The following TRIT1 variants were observed in gnomAD, a reference collection of about 807,000 sequenced individuals.
The protein encoded by TRIT1 is tRNA dimethylallyltransferase.
Under a neutral mutation model 51.2 loss-of-function variants are expected in TRIT1, and 43 were observed. The ratio of observed to expected loss-of-function variants is 0.84; its 90% CI spans 0.66 to 1.08. The LOEUF (loss-of-function observed/expected upper bound fraction) is 1.08, where lower values mean the gene tolerates loss of function less well. TRIT1 is among the 50% of genes least tolerant of loss of function. The pLI, the probability that TRIT1 is intolerant of heterozygous loss-of-function variation, is 0.00. For missense variants in TRIT1, 528 were observed against 578.4 expected (o/e 0.91, Z 0.89); for synonymous variants, 184 against 203.9 (o/e 0.90, Z 0.83).
chr1:39,852,521 T>C (rs1642640331), intron 4 of TRIT1: 2 of 616,970 alleles, frequency 3.2e-6, no homozygotes, highest in Admixed American at 2.9e-5. Flanking sequence ...GTACTATGCA[T>C]TTAAAATGTA....
chr1:39,880,544 G>C (rs997235436), intron 1 of TRIT1, among the ~76,000 whole-genome samples: 2 of 151,948 alleles, frequency 1.3e-5, no homozygotes, highest in East Asian at 3.9e-4. Flanking sequence ...CTCATGCCTG[G>C]AATCCCAGCA....
Position 39,839,576 on chromosome 1 carries a change from A to G in TRIT1, c.*2168T>C, listed in dbSNP as rs1339388778. Among the ~76,000 whole-genome samples, 2 of 152,240 alleles carry G rather than the reference A, an allele frequency of 1.3e-5. No homozygotes were observed. The highest frequency in any genetic ancestry group is 2.9e-5 in the Non-Finnish European group (2 of 68,046). ...GGGCAATGCTTCAGACCAGAGCACC[A>G]GGCAGATTTCTAGTGAGTGTTCTGC... On this transcript the variant is annotated 3_prime_UTR_variant, in exon 11 of 11. Transcript: ENST00000316891.
intron 1 of TRIT1, among the ~76,000 whole-genome samples, chr1:39,882,337 AC>A (rs1358053621): frequency 1.3e-5 from 2 of 152,212 alleles, no homozygotes; most frequent in Admixed American, 1.3e-4. Flanking sequence ...GGGGAAAGGA[AC>A]TGCCCTTCTT....
intron 1 of TRIT1, among the ~76,000 whole-genome samples, chr1:39,863,528 A>C (rs1385809306): frequency 1.3e-5 from 2 of 152,208 alleles, no homozygotes; most frequent in Admixed American, 1.3e-4. Context: ...AAGAAGATAC[A>C]TGATACAAGA....
intron 10 of TRIT1, among the ~76,000 whole-genome samples, chr1:39,843,840 G>T (rs536761456): frequency 6.6e-6 from 1 of 152,290 alleles, no homozygotes; most frequent in Non-Finnish European, 1.5e-5. Context: ...AGGAGCTCTA[G>T]AAAGTTAACT....
Position 39,852,736 on chromosome 1 carries a change from C to G in TRIT1, c.555G>C (p.Val185=). 6.2e-7 allele frequency: 1 copy of G among 1,613,488 alleles called. No individual in the cohort carries two copies. The highest frequency in any genetic ancestry group is 8.5e-7 in the Non-Finnish European group (1 of 1,179,744). Residue 185 remains valine, a synonymous_variant, in exon 4 of 11, where the codon GTG becomes GTC. Transcript: ENST00000316891. The stretch of plus-strand genomic sequence containing the variant: ...AGCGCGCCAGGCTTTCTTACCTGGC[C>G]ACTTTGCGTTTGTCATGTGGATGCA... The part of the protein sequence containing the change: ...AKLHPHDKRK[V]ARSLQVFEET...
intron 8 of TRIT1, chr1:39,846,961 GTTC>G: frequency 5.7e-6 from 2 of 353,232 alleles, no homozygotes; most frequent in Non-Finnish European, 1.0e-5. Context: ...AGATGCTGCT[GTTC>G]TTCTTAGCTG....
chr1:39,875,417 G>A lies in TRIT1; in HGVS notation c.174+7901C>T, dbSNP rs148925631. ...GCAGGAGACTTGCTTGAACCCGGGAGGTGGAGGTTGCAGTGAGCTGAGATT... is the reference window on the plus strand; with the variant it reads ...GCAGGAGACTTGCTTGAACCCGGGAAGTGGAGGTTGCAGTGAGCTGAGATT... On this transcript the variant is annotated intron_variant, in intron 1 of 10. Coordinates refer to ENST00000316891, the MANE Select transcript of TRIT1 (RefSeq NM_017646.6). Among the ~76,000 whole-genome samples, 1,343 of 152,124 alleles carry A rather than the reference G, an allele frequency of 8.8e-3. 24 individuals carry two copies. Among genetic ancestry groups the A allele is most frequent in the African/African-American group, 0.031 (1,297 of 41,460 alleles).
intron 1 of TRIT1, among the ~76,000 whole-genome samples, chr1:39,872,779 A>G (rs1643918351): frequency 7.1e-6 from 1 of 140,530 alleles, no homozygotes; most frequent in Non-Finnish European, 1.5e-5. Flanking sequence ...ACACACACAC[A>G]CAGAGAGAGA....
intron 2 of TRIT1, 93 bp from the exon 3 acceptor site, chr1:39,854,161 G>A (rs908231204): frequency 2.2e-6 from 2 of 918,520 alleles, no homozygotes; most frequent in Non-Finnish European, 3.3e-6. Context: ...TTTATCTGCA[G>A]AGCAGAGGAG....
At chr1:39,851,610 C>G (rs993331019) in intron 4 of TRIT1, among the ~76,000 whole-genome samples, 4 of 151,884 alleles carry the variant, frequency 2.6e-5, no homozygotes, top group Admixed American at 2.6e-4. Flanking sequence ...AATTTGTGCC[C>G]CACCCCCCTG....
intron 1 of TRIT1, among the ~76,000 whole-genome samples, chr1:39,866,235 T>C (rs1037568644): frequency 6.6e-6 from 1 of 152,064 alleles, no homozygotes; most frequent in Admixed American, 6.6e-5. Flanking sequence ...TGCAGTGGCA[T>C]GATTTTGGCT....
intron 1 of TRIT1, among the ~76,000 whole-genome samples, chr1:39,864,475 G>A (rs1264381149): frequency 6.6e-6 from 1 of 151,666 alleles, no homozygotes; most frequent in African/African-American, 2.4e-5. Context: ...CGGGCGTGGT[G>A]GCAGGCGCCT....
At chr1:39,878,749 A>C (rs1401781245) in intron 1 of TRIT1, among the ~76,000 whole-genome samples, 1 of 152,192 alleles carries the variant, frequency 6.6e-6, no homozygotes. Flanking sequence ...TGTTCCAATA[A>C]ACACTATCTG....
chr1:39,845,964 AT>A, intron 8 of TRIT1, among the ~76,000 whole-genome samples: 2 of 152,248 alleles, frequency 1.3e-5, no homozygotes, highest in Non-Finnish European at 2.9e-5. Flanking sequence ...TGGAGGAATT[AT>A]TGTGGTTTTA....
Position 39,853,819 on chromosome 1 carries a change from T to C in TRIT1, c.414+151A>G, listed in dbSNP as rs941140063. 6.7e-6 allele frequency: 4 copies of C among 600,592 alleles called. No individual in the cohort carries two copies. The Admixed American group carries it at 1.3e-4, about 19-fold the overall frequency. The allele number at this position is 600,592 out of a possible 1,614,324, so 37.2% of individuals were successfully genotyped here. Reference sequence around the variant, plus strand: ...AGCCTGGAGGAACACACTTCACACATGGAGGTGGCATTTGCTTGAGAATAT... The same window carrying C: ...AGCCTGGAGGAACACACTTCACACACGGAGGTGGCATTTGCTTGAGAATAT... On this transcript the variant is annotated intron_variant, in intron 3 of 10. Transcript: ENST00000316891.
chr1:39,841,966 T>C, intron 10 of TRIT1, 53 bp from the exon 11 acceptor site: 1 of 1,555,200 alleles, frequency 6.4e-7, no homozygotes, highest in Non-Finnish European at 8.7e-7. Context: ...AGGAATTTTC[T>C]AGAATTAATC....
At chr1:39,862,909 C>G in intron 1 of TRIT1, 2 of 985,446 alleles carry the variant, frequency 2.0e-6, no homozygotes, top group Non-Finnish European at 2.4e-6. Context: ...TGCTCCATTT[C>G]CCCTTCTCCC....
chr1:39,839,943 A>C lies in TRIT1; in HGVS notation c.*1801T>G, dbSNP rs1652497450. On this transcript the variant is annotated 3_prime_UTR_variant, in exon 11 of 11. Coordinates refer to ENST00000316891, the MANE Select transcript of TRIT1 (RefSeq NM_017646.6). Reference sequence around the variant, plus strand: ...ACGAAGAATATTTCAGAGAAACTAAAGGTTCTTCCCTACAAACTGCCAGCT... The same window carrying C: ...ACGAAGAATATTTCAGAGAAACTAACGGTTCTTCCCTACAAACTGCCAGCT... Among the ~76,000 whole-genome samples, 1 of 152,248 alleles carries C rather than the reference A, an allele frequency of 6.6e-6. No homozygotes were observed. The highest frequency in any genetic ancestry group is 2.1e-4 in the South Asian group (1 of 4,834).
Sources: allele counts gnomAD v4.1 joint callset (sites outside exome capture counted in the v4.1 genomes callset), GRCh38; gene constraint gnomAD v4.1.1; transcripts MANE v1.5; gene names NCBI Gene and HGNC (gene_info 2026-07-23, HGNC 2026-07-21).